WNT9A: variants seen among roughly 807,000 people sequenced by gnomAD.
WNT9A encodes the protein Wnt family member 9A, also known as protein Wnt-9a.
WNT9A carries 8 observed loss-of-function variants against 31.4 expected under a neutral mutation model. That is an observed-to-expected ratio of 0.26 (90% CI 0.15 to 0.46). The LOEUF (loss-of-function observed/expected upper bound fraction) is 0.46, where lower values mean the gene tolerates loss of function less well. WNT9A is among the 20% of genes least tolerant of loss of function. WNT9A has a pLI of 0.99. For missense variants in WNT9A, 457 were observed against 522.9 expected (o/e 0.87, Z 1.23); for synonymous variants, 236 against 220.1 (o/e 1.07, Z -0.64).
intron 1 of WNT9A, among the ~76,000 whole-genome samples, chr1:227,940,317 G>C (rs1332354132): frequency 2.0e-5 from 3 of 152,204 alleles, no homozygotes; most frequent in Non-Finnish European, 4.4e-5. Flanking sequence ...GAAAGGTGAA[G>C]AGCAGAAGCT....
chr1:227,924,501 G>T (rs1017615669), intron 2 of WNT9A, 101 bp from the exon 3 acceptor site: 3 of 1,462,578 alleles, frequency 2.1e-6, no homozygotes, highest in Non-Finnish European at 1.8e-6. Flanking sequence ...CCCATGTTGG[G>T]GCTCAGAGCA....
intron 1 of WNT9A, 50 bp downstream of exon 1, chr1:227,947,732 ACCCCGCCCCGG>A (rs1666818649): frequency 1.0e-6 from 1 of 983,972 alleles, no homozygotes; most frequent in African/African-American, 1.8e-5. Context: ...ACTCCGGACG[ACCCCGCCCCGG>A]CCCCGCCGCC....
chr1:227,927,961 G>A (rs375732138), intron 1 of WNT9A, among the ~76,000 whole-genome samples: 2 of 151,900 alleles, frequency 1.3e-5, no homozygotes, highest in African/African-American at 4.8e-5. Flanking sequence ...GGGGACAAGG[G>A]GAGGAGGGTG....
chr1:227,930,161 T>C (rs934444663), intron 1 of WNT9A, among the ~76,000 whole-genome samples: 1 of 152,132 alleles, frequency 6.6e-6, no homozygotes, highest in Non-Finnish European at 1.5e-5. Context: ...GGAGAGCAGC[T>C]GGGAACGTCG....
chr1:227,935,267 T>C (rs1666575151), intron 1 of WNT9A, among the ~76,000 whole-genome samples: 1 of 151,894 alleles, frequency 6.6e-6, no homozygotes, highest in Non-Finnish European at 1.5e-5. Flanking sequence ...CAGTTCACCA[T>C]ACAGGGCCTG....
chr1:227,940,900 C>T (rs1432464718), intron 1 of WNT9A, among the ~76,000 whole-genome samples: 1 of 152,190 alleles, frequency 6.6e-6, no homozygotes, highest in Non-Finnish European at 1.5e-5. Flanking sequence ...CCAGTGCCAC[C>T]CAGGTCAGCA....
chr1:227,935,768 TTCC>T (rs1666584539), intron 1 of WNT9A, among the ~76,000 whole-genome samples: 1 of 152,222 alleles, frequency 6.6e-6, no homozygotes, highest in African/African-American at 2.4e-5. Context: ...ATTCCACATA[TTCC>T]CTCTGCTCAT....
chr1:227,922,611 G>C (rs77586907), intron 3 of WNT9A, among the ~76,000 whole-genome samples: 1 of 152,170 alleles, frequency 6.6e-6, no homozygotes, highest in South Asian at 2.1e-4. Flanking sequence ...CTGGGGAAGA[G>C]AGAGCTCCTT....
At position 227,942,564 on chromosome 1, in the gene WNT9A, G is replaced by GC. The variant is rs1008063633; in HGVS notation, c.95+5228dup. On this transcript the variant is annotated intron_variant, in intron 1 of 3. Transcript: ENST00000272164. The surrounding 1 kb of genome is among the most constrained non-coding windows in gnomAD (Gnocchi z 5.7). Reference sequence around the variant, plus strand: ...TAAGAAGTCCCCAGGGAGTCCCCTGGCCCCCAGGGCCCCTCCTCTCAGCCC... The same window carrying GC: ...TAAGAAGTCCCCAGGGAGTCCCCTGGCCCCCCAGGGCCCCTCCTCTCAGCCC... Among the ~76,000 whole-genome samples the GC allele has an allele frequency of 2.0e-5, 3 of 152,042 alleles. No homozygotes were observed. Among genetic ancestry groups the GC allele is most frequent in the African/African-American group, 7.2e-5 (3 of 41,396 alleles).
At chr1:227,944,638 G>A (rs1412355248) in intron 1 of WNT9A, among the ~76,000 whole-genome samples, 2 of 152,122 alleles carry the variant, frequency 1.3e-5, no homozygotes, top group African/African-American at 4.8e-5. Flanking sequence ...TTCCAGCCCC[G>A]ATGGCTGGCT....
At chr1:227,927,557 C>T (rs568149600) in intron 1 of WNT9A, among the ~76,000 whole-genome samples, 101 of 152,300 alleles carry the variant, frequency 6.6e-4, no homozygotes, top group African/African-American at 2.3e-3. Flanking sequence ...AGCCCCAGGG[C>T]TAGGGATGGG....
rs1666392431 is a variant in WNT9A at position 227,925,036 on chromosome 1, C to T, written c.352+227G>A. Among the ~76,000 whole-genome samples, 1 of 152,210 alleles carries T rather than the reference C, an allele frequency of 6.6e-6. No homozygotes were observed. The highest frequency in any genetic ancestry group is 1.5e-5 in the Non-Finnish European group (1 of 68,014). ...CCCCGTCAAAGGCCGAGTCAGCATG[C>T]CCTGGCCACCAGCAACGACTGTGCG... On this transcript the variant is annotated intron_variant, in intron 2 of 3. Coordinates refer to ENST00000272164, the MANE Select transcript of WNT9A (RefSeq NM_003395.4). This position sits in a 1 kb window ranked among gnomAD's most constrained non-coding sequence, Gnocchi z 6.0.
chr1:227,937,591 G>A (rs373839887), intron 1 of WNT9A, among the ~76,000 whole-genome samples: 1 of 152,222 alleles, frequency 6.6e-6, no homozygotes, highest in Non-Finnish European at 1.5e-5. Flanking sequence ...ACACAGAGGC[G>A]GACGAGAGGG....
At chr1:227,946,351 G>C (rs1453726954) in intron 1 of WNT9A, among the ~76,000 whole-genome samples, 2 of 152,198 alleles carry the variant, frequency 1.3e-5, no homozygotes, top group African/African-American at 4.8e-5. Flanking sequence ...ACAAGCCCAG[G>C]GTGTGTCCCC....
chr1:227,941,345 TGAG>T (rs1387536476), intron 1 of WNT9A, among the ~76,000 whole-genome samples: 1 of 151,756 alleles, frequency 6.6e-6, no homozygotes, highest in African/African-American at 2.4e-5. Context: ...AGGATGCATC[TGAG>T]GAGAACACAA....
At chr1:227,927,291 G>A (rs1666434995) in intron 1 of WNT9A, among the ~76,000 whole-genome samples, 2 of 152,160 alleles carry the variant, frequency 1.3e-5, no homozygotes, top group Admixed American at 6.5e-5. Flanking sequence ...AGTGGGTAGA[G>A]GAGGAGCCCA....
At position 227,921,836 on chromosome 1, in the gene WNT9A, A is replaced by G; in HGVS notation, c.780T>C (p.Ala260=). 6.2e-7 allele frequency: 1 copy of G among 1,613,102 alleles called. No individual in the cohort carries two copies. Among genetic ancestry groups the G allele is most frequent in the Non-Finnish European group, 8.5e-7 (1 of 1,179,916 alleles). Reference sequence around the variant, plus strand: ...GGGAGATGGCACCTGCCTCGCCGGCAGCTTCATTGGTGGTGCTGCCCACCT... The same window carrying G: ...GGGAGATGGCACCTGCCTCGCCGGCGGCTTCATTGGTGGTGCTGCCCACCT... ...ALKVGSTTNE[A]AGEAGAISPP... Residue 260 remains alanine, a synonymous_variant, in exon 4 of 4, where the codon GCT becomes GCC. Coordinates refer to ENST00000272164, the MANE Select transcript of WNT9A (RefSeq NM_003395.4).
chr1:227,938,802 AT>A (rs1666643789), intron 1 of WNT9A, among the ~76,000 whole-genome samples: 1 of 152,204 alleles, frequency 6.6e-6, no homozygotes, highest in Admixed American at 6.5e-5. Flanking sequence ...TCATGTCTTC[AT>A]GTCCTAAACT....
intron 3 of WNT9A, 85 bp downstream of exon 3, chr1:227,924,053 C>CCCCCCCCA: frequency 1.6e-5 from 17 of 1,090,064 alleles, no homozygotes; most frequent in South Asian, 1.1e-4. Context: ...GCTGCAGCCC[C>CCCCCCCCA]GCCCCCAGTC....
Sources: allele counts gnomAD v4.1 joint callset (sites outside exome capture counted in the v4.1 genomes callset), GRCh38; gene constraint gnomAD v4.1.1; non-coding constraint Gnocchi (gnomAD v3.1); transcripts MANE v1.5; gene names NCBI Gene and HGNC (gene_info 2026-07-23, HGNC 2026-07-21).